Variants in LAMA2 observed in about 807,000 individuals in gnomAD.
LAMA2 encodes laminin subunit alpha-2.
In LAMA2, 269 loss-of-function variants were observed where a neutral mutation model predicts 364.8. That is an observed-to-expected ratio of 0.74 (90% CI 0.67 to 0.82). The LOEUF (loss-of-function observed/expected upper bound fraction) is 0.82. Ranked by LOEUF, LAMA2 falls within the 40% of genes least tolerant of loss-of-function variation. The probability of loss-of-function intolerance (pLI) is 0.00; values close to 1 mark genes in which losing one functional copy is unlikely to be tolerated. For synonymous variants in LAMA2, 1,379 were observed against 1,370.6 expected (o/e 1.01, Z -0.14); for missense variants, 3,807 against 3,873.2 (o/e 0.98, Z 0.45).
At chr6:129,314,291 C>T (rs1466431381) in intron 23 of LAMA2, among the ~76,000 whole-genome samples, 4 of 150,124 alleles carry the variant, frequency 2.7e-5, no homozygotes, top group Non-Finnish European at 5.9e-5. Context: ...CCCATCTACT[C>T]GGAAGGCTGA....
chr6:129,130,934 A>C (rs1445382945), intron 4 of LAMA2, among the ~76,000 whole-genome samples: 1 of 152,226 alleles, frequency 6.6e-6, no homozygotes, highest in African/African-American at 2.4e-5. Context: ...GAAAACAAAC[A>C]AACAAAACAA....
chr6:129,298,381 G>T (rs1773339817), intron 21 of LAMA2, among the ~76,000 whole-genome samples: 1 of 152,016 alleles, frequency 6.6e-6, no homozygotes, highest in Non-Finnish European at 1.5e-5. Flanking sequence ...GTTGGCTCTA[G>T]ATATTTAGTT....
chr6:129,174,505 GTA>G (rs1224532046), intron 9 of LAMA2, among the ~76,000 whole-genome samples: 1 of 151,310 alleles, frequency 6.6e-6, no homozygotes, highest in Non-Finnish European at 1.5e-5. Context: ...GTGTGTGTGT[GTA>G]TGTGTGTGTT....
chr6:129,428,952 C>A (rs1166356889), intron 41 of LAMA2, among the ~76,000 whole-genome samples: 1 of 152,146 alleles, frequency 6.6e-6, no homozygotes, highest in Non-Finnish European at 1.5e-5. Flanking sequence ...CATTCCCTAC[C>A]ATTTTCTGTC....
In LAMA2 at chr6:129,449,888, C is replaced by T. The variant is rs141058341; in HGVS notation, c.6430-3100C>T. Among the ~76,000 whole-genome samples the T allele has an allele frequency of 0.014, 2,075 of 150,508 alleles. 106 individuals carry two copies. The East Asian group carries it at 0.18, about 13-fold the overall frequency. The stretch of plus-strand genomic sequence containing the variant: ...AGCAATCTCAGCTCACTGCAGCCTC[C>T]GCCTCCCAGGTTCAAGCAATTCTCC... On this transcript the variant is annotated intron_variant, in intron 45 of 64. Coordinates refer to ENST00000421865, the MANE Select transcript of LAMA2 (RefSeq NM_000426.4).
Position 129,442,306 on chromosome 6 carries a change from A to G in LAMA2, c.6269-757A>G, listed in dbSNP as rs140218781. The G allele has an allele frequency of 8.4e-6, 8 of 952,506 alleles. No homozygotes were observed. The East Asian group carries it at 6.4e-4, about 77-fold the overall frequency. The allele number at this position is 952,506 out of a possible 1,614,324, so 59.0% of individuals were successfully genotyped here. A position where few individuals can be genotyped will look rare whatever the true frequency, so the allele number is the denominator to read the frequency against. On this transcript the variant is annotated intron_variant, in intron 43 of 64. Transcript: ENST00000421865. ...GCAAGGAAGAGTACAAACACATATA[A>G]CATAAACTTCAGAGCCAGGGTGAAA...
chr6:129,445,871 T>C (rs752268433), intron 45 of LAMA2, 50 bp downstream of exon 45: 1 of 1,523,560 alleles, frequency 6.6e-7, no homozygotes, highest in Non-Finnish European at 9.1e-7. Context: ...ATTGTTGGAT[T>C]ATTCATAGAG....
At chr6:128,942,853 G>A (rs192039340) in intron 1 of LAMA2, among the ~76,000 whole-genome samples, 73 of 152,278 alleles carry the variant, frequency 4.8e-4, no homozygotes, top group African/African-American at 1.7e-3. Context: ...TGGGGTGGCA[G>A]GGGTAACCGA....
At chr6:129,490,381 C>T (rs1311724660) in intron 56 of LAMA2, among the ~76,000 whole-genome samples, 1 of 152,116 alleles carries the variant, frequency 6.6e-6, no homozygotes, top group African/African-American at 2.4e-5. Flanking sequence ...ACTCATTCTC[C>T]ATCACCACCC....
intron 29 of LAMA2, among the ~76,000 whole-genome samples, chr6:129,329,831 C>A (rs1447863263): frequency 6.6e-6 from 1 of 152,144 alleles, no homozygotes; most frequent in Non-Finnish European, 1.5e-5. Flanking sequence ...AGAAACCAGA[C>A]CACACAGCAG....
intron 1 of LAMA2, among the ~76,000 whole-genome samples, chr6:128,981,933 A>T (rs1436358223): frequency 6.6e-6 from 1 of 152,118 alleles, no homozygotes; most frequent in African/African-American, 2.4e-5. Flanking sequence ...GTTCCTACTC[A>T]GTTAGGCACC....
At chr6:129,166,196 A>G (rs1273351298) in intron 9 of LAMA2, among the ~76,000 whole-genome samples, 3 of 152,220 alleles carry the variant, frequency 2.0e-5, no homozygotes, top group Non-Finnish European at 4.4e-5. Flanking sequence ...AGAGGCTGAC[A>G]CTAATTTAAG....
intron 18 of LAMA2, among the ~76,000 whole-genome samples, chr6:129,282,245 A>G (rs1788771591): frequency 6.6e-6 from 1 of 152,214 alleles, no homozygotes; most frequent in African/African-American, 2.4e-5. Context: ...AATCTGTTCA[A>G]TTTGTTTAGC....
At chr6:129,266,773 C>G (rs3736077) in intron 15 of LAMA2, among the ~76,000 whole-genome samples, 1 of 152,078 alleles carries the variant, frequency 6.6e-6, no homozygotes, top group East Asian at 1.9e-4. Context: ...TTTTACAGTA[C>G]TTTTTCTTCT....
rs563334789 is a variant in LAMA2, at chr6:128,958,884, A to G, written c.112+75527A>G. On this transcript the variant is annotated intron_variant, in intron 1 of 64. Coordinates refer to ENST00000421865, the MANE Select transcript of LAMA2 (RefSeq NM_000426.4). ...TTAAAAATAATATATTTAAACAACT[A>G]TAACTTAATTTAAACATTTTAGACA... Among the ~76,000 whole-genome samples, 90 of 152,300 alleles carry G rather than the reference A, an allele frequency of 5.9e-4. 1 individual carries two copies. The South Asian group carries it at 0.018, about 30-fold the overall frequency.
At chr6:128,959,593 C>T (rs1781355518) in intron 1 of LAMA2, among the ~76,000 whole-genome samples, 1 of 152,126 alleles carries the variant, frequency 6.6e-6, no homozygotes, top group Non-Finnish European at 1.5e-5. Context: ...TGCTTCTCCC[C>T]AAGATATCTT....
intron 12 of LAMA2, among the ~76,000 whole-genome samples, chr6:129,222,596 A>G (rs1783938035): frequency 6.9e-6 from 1 of 144,494 alleles, no homozygotes; most frequent in African/African-American, 2.6e-5. Flanking sequence ...TGCGATGTTT[A>G]GTTTGTTGTC....
intron 3 of LAMA2, among the ~76,000 whole-genome samples, chr6:129,087,579 T>C (rs1011701298): frequency 6.6e-6 from 1 of 152,164 alleles, no homozygotes; most frequent in African/African-American, 2.4e-5. Flanking sequence ...AAATTATTAA[T>C]AGATATTACT....
intron 23 of LAMA2, among the ~76,000 whole-genome samples, chr6:129,314,419 A>G (rs894583256): frequency 6.8e-6 from 1 of 146,716 alleles, no homozygotes; most frequent in Admixed American, 6.8e-5. Context: ...AAAAAAAAAA[A>G]GTACAATACC....
Sources: gnomAD v4.1 joint callset for allele counts (sites outside exome capture counted in the v4.1 genomes callset) on GRCh38, gnomAD v4.1.1 for gene constraint, MANE v1.5 for transcripts, NCBI Gene and HGNC (gene_info 2026-07-23, HGNC 2026-07-21) for gene names.